The following CAPRIN2 variants were observed in gnomAD, a reference collection of about 807,000 sequenced individuals.
CAPRIN2 encodes the protein caprin family member 2, also known as caprin-2.
In CAPRIN2, 66 loss-of-function variants were observed where a neutral mutation model predicts 130.4. That is an observed-to-expected ratio of 0.51 (90% CI 0.42 to 0.62). The LOEUF is 0.62. Ranked by LOEUF, CAPRIN2 falls within the 20% of genes least tolerant of loss-of-function variation. The pLI, the probability that CAPRIN2 is intolerant of heterozygous loss-of-function variation, is 0.00. For synonymous variants in CAPRIN2, 471 were observed against 444.1 expected (o/e 1.06, Z -0.76); for missense variants, 1,185 against 1,246.6 (o/e 0.95, Z 0.74).
chr12:30,743,485 G>A (rs1324652455), intron 2 of CAPRIN2, among the ~76,000 whole-genome samples: 1 of 152,040 alleles, frequency 6.6e-6, no homozygotes, highest in East Asian at 1.9e-4. Context: ...TCTCATTTTG[G>A]TTGACTTAGC....
chr12:30,753,885 C>A (rs1592382961), exon 1 of CAPRIN2: 1 of 905,486 alleles, frequency 1.1e-6, no homozygotes, highest in East Asian at 2.5e-5. Context: ...AGAACTGCAA[C>A]GGCTTCAGAG....
chr12:30,740,933 A>G (rs935189670), intron 3 of CAPRIN2, 87 bp downstream of exon 4: 4 of 740,594 alleles, frequency 5.4e-6, no homozygotes, highest in Non-Finnish European at 9.3e-6. Flanking sequence ...ATAACCAAAC[A>G]CCATTACTAG....
exon 16 of CAPRIN2, chr12:30,711,577 G>T: frequency 6.2e-7 from 1 of 1,613,234 alleles, no homozygotes; most frequent in Non-Finnish European, 8.5e-7. Flanking sequence ...TCTCGAATTT[G>T]CTCGTGGACC....
intron 11 of CAPRIN2, 50 bp from the exon 13 acceptor site, chr12:30,720,965 T>C (rs1364577574): frequency 2.3e-6 from 3 of 1,327,030 alleles, no homozygotes; most frequent in Admixed American, 1.7e-5. Flanking sequence ...TTTGTTCACT[T>C]TATATTTCTT....
exon 1 of CAPRIN2, chr12:30,753,414 G>A (rs2074934310): frequency 6.2e-7 from 1 of 1,613,802 alleles, no homozygotes; most frequent in African/African-American, 1.3e-5. Context: ...GGTCTCATAC[G>A]CTTGGGAAGG....
At chr12:30,748,513 T>C (rs1346238105) in intron 2 of CAPRIN2, among the ~76,000 whole-genome samples, 2 of 152,266 alleles carry the variant, frequency 1.3e-5, no homozygotes, top group Non-Finnish European at 2.9e-5. Context: ...GACTACAGTA[T>C]AGGACAAATG....
At chr12:30,740,362 T>A (rs1344857881) in intron 3 of CAPRIN2, among the ~76,000 whole-genome samples, 1 of 152,178 alleles carries the variant, frequency 6.6e-6, no homozygotes, top group Non-Finnish European at 1.5e-5. Context: ...TCTCCAGGAA[T>A]GAATTTATTT....
At chr12:30,714,876 G>A in intron 14 of CAPRIN2, 83 bp downstream of exon 16, 1 of 1,123,754 alleles carries the variant, frequency 8.9e-7, no homozygotes, top group South Asian at 1.5e-5. Flanking sequence ...ACAAAAGGGA[G>A]CAAGGTTAGG....
intron 2 of CAPRIN2, 36 bp downstream of exon 3, chr12:30,751,034 AC>A: frequency 6.7e-7 from 1 of 1,496,334 alleles, no homozygotes; most frequent in Non-Finnish European, 9.3e-7. Context: ...AGAAAAGAAA[AC>A]CAGCAAGTCT....
chr12:30,731,609 A>G (rs916854200), intron 5 of CAPRIN2, 99 bp from the exon 7 acceptor site: 4 of 942,532 alleles, frequency 4.2e-6, no homozygotes, highest in African/African-American at 3.3e-5. Flanking sequence ...ACATTGTTAC[A>G]ATAGTTTACA....
intron 2 of CAPRIN2, among the ~76,000 whole-genome samples, chr12:30,749,468 A>T (rs1003669116): frequency 5.3e-5 from 8 of 152,218 alleles, no homozygotes; most frequent in African/African-American, 1.7e-4. Context: ...AATTACTACT[A>T]TAATAAGTAA....
chr12:30,743,239 T>G (rs139036732), intron 2 of CAPRIN2, among the ~76,000 whole-genome samples: 1 of 151,326 alleles, frequency 6.6e-6, no homozygotes, highest in African/African-American at 2.4e-5. Context: ...TCCCTCTCTA[T>G]TGATGCTTAA....
chr12:30,754,604 C>G (rs940322302), upstream of CAPRIN2: 1 of 152,300 alleles, frequency 6.6e-6, no homozygotes, highest in Non-Finnish European at 1.5e-5. Flanking sequence ...GCACCGACCG[C>G]GGCCCTCGGG....
At chr12:30,747,976 A>G (rs1027343749) in intron 2 of CAPRIN2, among the ~76,000 whole-genome samples, 1 of 152,238 alleles carries the variant, frequency 6.6e-6, no homozygotes, top group African/African-American at 2.4e-5. Context: ...GTAGAGCCTG[A>G]AGATATGACT....
chr12:30,730,164 G>T (rs770913572), intron 7 of CAPRIN2, 75 bp downstream of exon 8: 26 of 1,247,864 alleles, frequency 2.1e-5, no homozygotes, highest in Non-Finnish European at 3.0e-5. Context: ...TGGCTCCAGA[G>T]CCTTAGCTTC....
chr12:30,709,887 A>G lies in CAPRIN2; in HGVS notation c.*15T>C, dbSNP rs754447478. ...TTAGAACACCATCCTTTTATTGTCA[A>G]TACTGTACTGACTTTCAATCTTGAT... On this transcript the variant is annotated 3_prime_UTR_variant, in exon 17 of 17. Transcript: ENST00000298892. The G allele has an allele frequency of 5.6e-6, 9 of 1,593,684 alleles. No individual in the cohort carries two copies. In the Admixed American group the frequency reaches 1.4e-4, roughly 24 times the overall value.
chr12:30,716,402 G>A lies in CAPRIN2; in HGVS notation c.2317+106C>T. Reference sequence around the variant, plus strand: ...AACATGTAAAGAAATAATGCTTACTGGTCAGGAAAATACTTCTAAAGTGTC... The same window carrying A: ...AACATGTAAAGAAATAATGCTTACTAGTCAGGAAAATACTTCTAAAGTGTC... On this transcript the variant is annotated intron_variant, in intron 13 of 16. Transcript: ENST00000298892. 1.9e-5 allele frequency: 19 copies of A among 1,009,500 alleles called. 1 individual carries two copies. In the South Asian group the frequency reaches 2.7e-4, roughly 15 times the overall value. The allele number at this position is 1,009,500 out of a possible 1,614,324, so 62.5% of individuals were successfully genotyped here.
chr12:30,713,908 T>A (rs1465006222), intron 14 of CAPRIN2, 23 bp from the exon 17 acceptor site: 1 of 1,333,402 alleles, frequency 7.5e-7, no homozygotes, highest in Non-Finnish European at 1.1e-6. Context: ...CAAACTTACA[T>A]AAGATTATGG....
At chr12:30,730,808 T>C (rs2062434802) in intron 6 of CAPRIN2, among the ~76,000 whole-genome samples, 1 of 152,204 alleles carries the variant, frequency 6.6e-6, no homozygotes, top group Non-Finnish European at 1.5e-5. Flanking sequence ...CTGGACTACC[T>C]CCTGAGAAGA....
Sources: gnomAD v4.1 joint callset for allele counts (sites outside exome capture counted in the v4.1 genomes callset) on GRCh38, gnomAD v4.1.1 for gene constraint, MANE v1.5 for transcripts, NCBI Gene and HGNC (gene_info 2026-07-23, HGNC 2026-07-21) for gene names.